DTD1: variants seen among roughly 807,000 people sequenced by gnomAD.
The protein encoded by DTD1 is D-tyrosyl-tRNA deacylase 1 homolog.
Under a neutral mutation model 25.6 loss-of-function variants are expected in DTD1, and 13 were observed. The ratio of observed to expected loss-of-function variants is 0.51; its 90% confidence interval spans 0.33 to 0.81. DTD1 has a LOEUF of 0.81. Among genes scored for constraint, DTD1 ranks in the 30% least tolerant of loss-of-function variants. The pLI is 0.02. For synonymous variants in DTD1, 110 were observed against 103.6 expected (o/e 1.06, Z -0.37); for missense variants, 193 against 266.4 (o/e 0.72, Z 1.92).
intron 5 of DTD1, among the ~76,000 whole-genome samples, chr20:18,754,835 C>T (rs1013474132): frequency 4.6e-5 from 7 of 152,182 alleles, no homozygotes; most frequent in Non-Finnish European, 8.8e-5. Flanking sequence ...TTGTAGTGGG[C>T]GGTGGCTTTC....
intron 4 of DTD1, among the ~76,000 whole-genome samples, chr20:18,710,046 A>G (rs1171828644): frequency 6.6e-6 from 1 of 152,232 alleles, no homozygotes; most frequent in Middle Eastern, 3.4e-3. Flanking sequence ...TCCATTATGA[A>G]TAGGGCAGCT....
chr20:18,726,164 G>A (rs1399300159), intron 4 of DTD1, among the ~76,000 whole-genome samples: 2 of 152,146 alleles, frequency 1.3e-5, no homozygotes, highest in Admixed American at 6.5e-5. Context: ...GAGTGGAGTC[G>A]CCTCTGGCAT....
intron 5 of DTD1, among the ~76,000 whole-genome samples, chr20:18,746,729 T>G (rs1438637103): frequency 7.9e-5 from 12 of 152,074 alleles, no homozygotes; most frequent in Non-Finnish European, 1.6e-4. Flanking sequence ...ACATTAGTTG[T>G]AATTGGGCAC....
At chr20:18,631,012 T>C in intron 4 of DTD1, 1 of 970,508 alleles carries the variant, frequency 1.0e-6, no homozygotes, top group Non-Finnish European at 1.2e-6. Flanking sequence ...TCAGGTGAAG[T>C]CTACCAGATA....
At chr20:18,625,590 A>G (rs2060754301) in intron 3 of DTD1, among the ~76,000 whole-genome samples, 1 of 152,192 alleles carries the variant, frequency 6.6e-6, no homozygotes, top group African/African-American at 2.4e-5. Flanking sequence ...CAAAGGCTCT[A>G]GGCACAATCC....
intron 4 of DTD1, among the ~76,000 whole-genome samples, chr20:18,685,440 T>C (rs1156794980): frequency 6.6e-6 from 1 of 152,196 alleles, no homozygotes; most frequent in Admixed American, 6.5e-5. Context: ...CTTGGACCTG[T>C]GGCCATGGGT....
chr20:18,744,712 A>T (rs1055873264), intron 5 of DTD1, among the ~76,000 whole-genome samples: 4 of 151,076 alleles, frequency 2.6e-5, no homozygotes, highest in Non-Finnish European at 4.4e-5. Flanking sequence ...CTTGTTCACT[A>T]CCAAGAGAAC....
intron 4 of DTD1, among the ~76,000 whole-genome samples, chr20:18,725,508 TA>T (rs11475603): frequency 0.13 from 19,243 of 152,220 alleles, 1,556 homozygotes; most frequent in Non-Finnish European, 0.18. Context: ...GTCACTGGTT[TA>T]AATAATTTGT....
intron 4 of DTD1, among the ~76,000 whole-genome samples, chr20:18,678,329 G>A (rs73266591): frequency 0.025 from 3,866 of 152,296 alleles, 176 homozygotes; most frequent in African/African-American, 0.089. Flanking sequence ...GCCTCTGGGT[G>A]AGGGGTGGAC....
intron 1 of DTD1, among the ~76,000 whole-genome samples, chr20:18,592,957 C>T (rs975040357): frequency 2.0e-5 from 3 of 152,200 alleles, no homozygotes; most frequent in African/African-American, 7.2e-5. Flanking sequence ...GCTGGGATTA[C>T]AGGCATAAAC....
chr20:18,713,904 G>A (rs1394734183), intron 4 of DTD1, among the ~76,000 whole-genome samples: 1 of 152,114 alleles, frequency 6.6e-6, no homozygotes, highest in Non-Finnish European at 1.5e-5. Context: ...ATGTTCTGTT[G>A]CCTTCACGCA....
At chr20:18,701,472 T>C (rs191382406) in intron 4 of DTD1, among the ~76,000 whole-genome samples, 27 of 152,362 alleles carry the variant, frequency 1.8e-4, no homozygotes, top group Admixed American at 1.8e-3. Context: ...TTCTCAACAA[T>C]AGAATTTTTG....
intron 4 of DTD1, among the ~76,000 whole-genome samples, chr20:18,701,604 T>C (rs771248423): frequency 1.3e-5 from 2 of 152,206 alleles, no homozygotes; most frequent in Non-Finnish European, 2.9e-5. Context: ...GTGAGCTGAA[T>C]GCACCCAGGG....
intron 4 of DTD1, among the ~76,000 whole-genome samples, chr20:18,727,794 T>C (rs140719368): frequency 2.2e-4 from 34 of 152,244 alleles, no homozygotes; most frequent in African/African-American, 8.2e-4. Flanking sequence ...CAGAGCATCA[T>C]CGGTGTTTGT....
intron 4 of DTD1, among the ~76,000 whole-genome samples, chr20:18,688,587 G>GT (rs1179718935): frequency 6.6e-6 from 1 of 151,944 alleles, no homozygotes; most frequent in Non-Finnish European, 1.5e-5. Context: ...GGACTACAGC[G>GT]TAACACTTTG....
At chr20:18,656,035 T>C (rs1241365454) in intron 4 of DTD1, among the ~76,000 whole-genome samples, 1 of 152,146 alleles carries the variant, frequency 6.6e-6, no homozygotes, top group Non-Finnish European at 1.5e-5. Flanking sequence ...CCTTCCAAAG[T>C]GCTGGGATTA....
At chr20:18,691,528 C>T (rs568148684) in intron 4 of DTD1, among the ~76,000 whole-genome samples, 1 of 152,304 alleles carries the variant, frequency 6.6e-6, no homozygotes, top group East Asian at 1.9e-4. Context: ...AAACCAAATA[C>T]TGCTTCTCAC....
chr20:18,651,536 A>G (rs1250292264), intron 4 of DTD1, among the ~76,000 whole-genome samples: 1 of 152,196 alleles, frequency 6.6e-6, no homozygotes, highest in Non-Finnish European at 1.5e-5. Flanking sequence ...TATTCTGATA[A>G]AGAGAGGATT....
At chr20:18,752,206 T>C (rs1202006731) in intron 5 of DTD1, among the ~76,000 whole-genome samples, 1 of 152,164 alleles carries the variant, frequency 6.6e-6, no homozygotes, top group Non-Finnish European at 1.5e-5. Context: ...GGATCTGTGA[T>C]TTGATGTCTG....
Sources: gnomAD v4.1 joint callset for allele counts (sites outside exome capture counted in the v4.1 genomes callset) on GRCh38, gnomAD v4.1.1 for gene constraint, MANE v1.5 for transcripts, NCBI Gene and HGNC (gene_info 2026-07-23, HGNC 2026-07-21) for gene names.